Variants in B3GALT1 observed in about 807,000 individuals in gnomAD.
The protein encoded by B3GALT1 is UDP-Gal:betaGlcNAc beta 1,3-galactosyltransferase, polypeptide 1.
A neutral mutation model predicts 23.2 loss-of-function variants in B3GALT1; 10 were observed. That is an observed-to-expected ratio of 0.43 (90% CI 0.27 to 0.73). The LOEUF is 0.73. Among genes scored for constraint, B3GALT1 ranks in the 30% least tolerant of loss-of-function variants. B3GALT1 has a pLI of 0.21. For synonymous variants in B3GALT1, 156 were observed against 141.5 expected (o/e 1.10, Z -0.73); for missense variants, 299 against 405.4 (o/e 0.74, Z 2.25).
chr2:167,675,186 C>G (rs1261435905), intron 3 of B3GALT1, among the ~76,000 whole-genome samples: 3 of 152,212 alleles, frequency 2.0e-5, no homozygotes, highest in Non-Finnish European at 4.4e-5. Flanking sequence ...ATGGCCTCTA[C>G]TTGGAAACGT....
intron 1 of B3GALT1, among the ~76,000 whole-genome samples, chr2:167,315,446 T>C (rs1696701453): frequency 6.6e-6 from 1 of 152,128 alleles, no homozygotes; most frequent in Non-Finnish European, 1.5e-5. Context: ...AAAGGTAGGA[T>C]AAGCAGTAGT....
intron 4 of B3GALT1, among the ~76,000 whole-genome samples, chr2:167,831,163 C>T (rs1176965946): frequency 6.6e-6 from 1 of 152,180 alleles, no homozygotes; most frequent in Non-Finnish European, 1.5e-5. Context: ...CCATGCTTAA[C>T]AACTGCTGTC....
chr2:167,724,191 G>A (rs1280237793), intron 3 of B3GALT1, among the ~76,000 whole-genome samples: 3 of 152,182 alleles, frequency 2.0e-5, no homozygotes, highest in East Asian at 1.9e-4. Context: ...AGGCTGAAAT[G>A]TAAGTGAATA....
intron 2 of B3GALT1, among the ~76,000 whole-genome samples, chr2:167,526,830 A>G (rs900895105): frequency 3.3e-5 from 5 of 152,196 alleles, no homozygotes; most frequent in African/African-American, 1.2e-4. Flanking sequence ...ACAGCAAAGA[A>G]AGATAATATA....
chr2:167,765,989 C>T (rs1036113362), intron 3 of B3GALT1, among the ~76,000 whole-genome samples: 2 of 152,162 alleles, frequency 1.3e-5, no homozygotes, highest in Non-Finnish European at 2.9e-5. Context: ...CTTCCTTTAC[C>T]GAGCTGTCAG....
At chr2:167,705,671 T>A (rs1049552752) in intron 3 of B3GALT1, among the ~76,000 whole-genome samples, 1 of 152,198 alleles carries the variant, frequency 6.6e-6, no homozygotes, top group Non-Finnish European at 1.5e-5. Flanking sequence ...TAGACCCACA[T>A]ACTCCTAAAT....
At chr2:167,853,807 CT>C (rs1175769926) in intron 4 of B3GALT1, among the ~76,000 whole-genome samples, 1 of 152,052 alleles carries the variant, frequency 6.6e-6, no homozygotes, top group African/African-American at 2.4e-5. Flanking sequence ...TTATGGTGGC[CT>C]ACTTTAAAAT....
At chr2:167,690,478 G>C (rs1389346744) in intron 3 of B3GALT1, among the ~76,000 whole-genome samples, 2 of 152,014 alleles carry the variant, frequency 1.3e-5, no homozygotes, top group Non-Finnish European at 2.9e-5. Context: ...AATTGTCATT[G>C]TTGAGTTTTA....
intron 1 of B3GALT1, among the ~76,000 whole-genome samples, chr2:167,386,388 A>G (rs1697930363): frequency 6.6e-6 from 1 of 152,302 alleles, no homozygotes; most frequent in Non-Finnish European, 1.5e-5. Flanking sequence ...CCAATAGAAA[A>G]TGAGTGAAAA....
intron 1 of B3GALT1, among the ~76,000 whole-genome samples, chr2:167,308,461 T>G (rs1696582324): frequency 6.6e-6 from 1 of 152,038 alleles, no homozygotes; most frequent in South Asian, 2.1e-4. Flanking sequence ...TATACTTTAC[T>G]ATGCTATTTT....
At chr2:167,671,560 T>A (rs975523396) in intron 3 of B3GALT1, among the ~76,000 whole-genome samples, 1 of 151,988 alleles carries the variant, frequency 6.6e-6, no homozygotes, top group African/African-American at 2.4e-5. Context: ...CTAAACAATA[T>A]GTCAAAGAAG....
At chr2:167,506,311 G>C (rs1404637972) in intron 2 of B3GALT1, among the ~76,000 whole-genome samples, 2 of 152,120 alleles carry the variant, frequency 1.3e-5, no homozygotes, top group African/African-American at 4.8e-5. Context: ...ACAATGTGTA[G>C]AGATTTAATA....
At chr2:167,859,500 A>G (rs942737871) in intron 4 of B3GALT1, among the ~76,000 whole-genome samples, 23 of 152,168 alleles carry the variant, frequency 1.5e-4, no homozygotes, top group African/African-American at 5.5e-4. Context: ...CCACACACAC[A>G]AAGACATCCT....
chr2:167,481,878 T>G (rs935489009), intron 1 of B3GALT1, among the ~76,000 whole-genome samples: 4 of 152,226 alleles, frequency 2.6e-5, no homozygotes, highest in African/African-American at 9.6e-5. Flanking sequence ...ATGCACAATT[T>G]TAAGGCAGAG....
intron 1 of B3GALT1, among the ~76,000 whole-genome samples, chr2:167,471,114 C>T (rs1699413745): frequency 1.3e-5 from 2 of 152,146 alleles, no homozygotes; most frequent in South Asian, 4.1e-4. Flanking sequence ...AAGCAGAATG[C>T]TGGATCAACA....
chr2:167,509,041 C>A (rs1699964924), intron 2 of B3GALT1, among the ~76,000 whole-genome samples: 1 of 152,142 alleles, frequency 6.6e-6, no homozygotes, highest in African/African-American at 2.4e-5. Flanking sequence ...TTTTGACCTT[C>A]ACGACAGGAA....
chr2:167,366,820 CAGCTAGA>C (rs1482722578), intron 1 of B3GALT1, among the ~76,000 whole-genome samples: 36 of 152,326 alleles, frequency 2.4e-4, no homozygotes, highest in East Asian at 1.9e-4. Flanking sequence ...CTGGGGCTAT[CAGCTAGA>C]AACTTCAGAC....
intron 2 of B3GALT1, chr2:167,558,109 T>A (rs1254169753): frequency 3.9e-5 from 6 of 152,210 alleles, no homozygotes; most frequent in Admixed American, 2.0e-4. Context: ...CTCTAATTTT[T>A]TACATTGTTT....
chr2:167,607,234 A>G (rs1271121145), intron 2 of B3GALT1, among the ~76,000 whole-genome samples: 2 of 152,222 alleles, frequency 1.3e-5, no homozygotes, highest in East Asian at 1.9e-4. Context: ...ATCTAACTGC[A>G]TTGCAATGAG....
Sources: gnomAD v4.1 joint callset for allele counts (sites outside exome capture counted in the v4.1 genomes callset) on GRCh38, gnomAD v4.1.1 for gene constraint, MANE v1.5 for transcripts, NCBI Gene and HGNC (gene_info 2026-07-23, HGNC 2026-07-21) for gene names.